AFG1L: variants seen among roughly 807,000 people sequenced by gnomAD.
The protein encoded by AFG1L is AFG1-like ATPase.
In AFG1L, 53 loss-of-function variants were observed where a neutral mutation model predicts 62.2. The ratio of observed to expected loss-of-function variants is 0.85; its 90% CI spans 0.68 to 1.07. AFG1L has a LOEUF of 1.07. Ranked by LOEUF, AFG1L falls within the 50% of genes least tolerant of loss-of-function variation. The probability of loss-of-function intolerance (pLI) is 0.00; values close to 1 mark genes in which losing one functional copy is unlikely to be tolerated. For synonymous variants in AFG1L, 228 were observed against 210.3 expected (o/e 1.08, Z -0.73); for missense variants, 555 against 590.5 (o/e 0.94, Z 0.62).
At chr6:108,394,113 C>T (rs1482964774) in intron 6 of AFG1L, among the ~76,000 whole-genome samples, 7 of 140,204 alleles carry the variant, frequency 5.0e-5, no homozygotes. Context: ...CTTTCCTTTC[C>T]CCCTCCCCTC....
At chr6:108,295,386 G>A (rs1170551519) in intron 1 of AFG1L, among the ~76,000 whole-genome samples, 168 bp downstream of exon 1, 1 of 152,226 alleles carries the variant, frequency 6.6e-6, no homozygotes, top group Non-Finnish European at 1.5e-5. Context: ...GTCTGTGAAT[G>A]AGCCCTGAGC....
chr6:108,391,303 AT>A, intron 6 of AFG1L, among the ~76,000 whole-genome samples: 1 of 151,936 alleles, frequency 6.6e-6, no homozygotes, highest in South Asian at 2.1e-4. Flanking sequence ...TTATTTTTTG[AT>A]TTTTTGATTA....
At chr6:108,335,742 A>G (rs974449820) in intron 2 of AFG1L, among the ~76,000 whole-genome samples, 5 of 152,246 alleles carry the variant, frequency 3.3e-5, no homozygotes, top group African/African-American at 1.2e-4. Context: ...AGTATCAGGT[A>G]GGAGCAAAGT....
At chr6:108,425,059 G>A (rs564630119) in intron 7 of AFG1L, among the ~76,000 whole-genome samples, 26 of 152,216 alleles carry the variant, frequency 1.7e-4, no homozygotes, top group Admixed American at 1.2e-3. Flanking sequence ...GTTACCTGAC[G>A]TAGAACTGAA....
intron 10 of AFG1L, among the ~76,000 whole-genome samples, chr6:108,493,769 G>A (rs1487805994): frequency 6.6e-6 from 1 of 152,150 alleles, no homozygotes; most frequent in African/African-American, 2.4e-5. Flanking sequence ...GAGTTGTATT[G>A]ATGCTTACAT....
intron 6 of AFG1L, among the ~76,000 whole-genome samples, chr6:108,386,304 A>G (rs1780759480): frequency 6.6e-6 from 1 of 152,070 alleles, no homozygotes; most frequent in South Asian, 2.1e-4. Context: ...TCTACCAAAA[A>G]TACAAAATTA....
chr6:108,420,453 T>C (rs1223018504), intron 7 of AFG1L, among the ~76,000 whole-genome samples: 2 of 149,138 alleles, frequency 1.3e-5, no homozygotes, highest in East Asian at 3.9e-4. Context: ...TATTAAAACA[T>C]ATATTCCATA....
At chr6:108,388,521 T>TA (rs1467688856) in intron 6 of AFG1L, among the ~76,000 whole-genome samples, 3 of 152,250 alleles carry the variant, frequency 2.0e-5, no homozygotes, top group Admixed American at 6.5e-5. Context: ...TTTAGTGCTA[T>TA]AAATTTCCCT....
intron 6 of AFG1L, among the ~76,000 whole-genome samples, chr6:108,397,759 A>C (rs567774211): frequency 4.6e-5 from 7 of 152,158 alleles, no homozygotes; most frequent in Non-Finnish European, 8.8e-5. Flanking sequence ...AATGACCTCC[A>C]GTTTCATCCA....
At chr6:108,438,871 T>C (rs1202989906) in intron 7 of AFG1L, among the ~76,000 whole-genome samples, 5 of 151,722 alleles carry the variant, frequency 3.3e-5, no homozygotes, top group African/African-American at 9.7e-5. Flanking sequence ...TGGGGAGATA[T>C]GGAAAAAAAT....
intron 5 of AFG1L, among the ~76,000 whole-genome samples, chr6:108,362,282 T>G (rs1779571641): frequency 6.6e-6 from 1 of 152,222 alleles, no homozygotes; most frequent in African/African-American, 2.4e-5. Context: ...TGGTTGATTT[T>G]TTTTCATGTT....
chr6:108,313,853 TAACTC>T lies in AFG1L; in HGVS notation c.140-9967_140-9963del, dbSNP rs748161374. ...CTGAGTCCAGCCCATAGATATCTCT[TAACTC>T]AACTATTTGAATAGTCTCCTAATTT... On this transcript the variant is annotated intron_variant, in intron 1 of 12. Coordinates refer to ENST00000368977, the MANE Select transcript of AFG1L (RefSeq NM_145315.5). Among the ~76,000 whole-genome samples the T allele has an allele frequency of 7.0e-4, 107 of 152,162 alleles. 1 individual carries two copies. Among genetic ancestry groups the T allele is most frequent in the Non-Finnish European group, 1.9e-4 (13 of 68,026 alleles).
At chr6:108,521,134 G>A (rs568911442) in intron 12 of AFG1L, 2 of 152,274 alleles carry the variant, frequency 1.3e-5, no homozygotes, top group East Asian at 3.9e-4. Context: ...TGTCTTCCAC[G>A]AAACTGGCCC....
At chr6:108,381,411 A>G (rs1780512547) in intron 6 of AFG1L, among the ~76,000 whole-genome samples, 2 of 151,708 alleles carry the variant, frequency 1.3e-5, no homozygotes, top group Admixed American at 1.3e-4. Flanking sequence ...CAAAGATTCT[A>G]GTGTCAGGAC....
Position 108,523,450 on chromosome 6 carries a change from A to G in AFG1L, c.*1025A>G, listed in dbSNP as rs752831702. The G allele has an allele frequency of 6.6e-6, 1 of 152,190 alleles. No homozygotes were observed. Among genetic ancestry groups the G allele is most frequent in the Non-Finnish European group, 1.5e-5 (1 of 68,028 alleles). The allele number at this position is 152,190 out of a possible 1,614,324, so 9.4% of individuals were successfully genotyped here. A position where few individuals can be genotyped will look rare whatever the true frequency, so the allele number is the denominator to read the frequency against. ...GCTTCTTTGAGTAAAACCTGGCTTT[A>G]CTAACTATTGTCACAAAGTGGATCT... is the stretch of plus-strand genomic sequence containing the variant. On this transcript the variant is annotated 3_prime_UTR_variant, in exon 13 of 13. Transcript: ENST00000368977.
intron 2 of AFG1L, among the ~76,000 whole-genome samples, chr6:108,326,414 A>G (rs577890574): frequency 3.1e-4 from 47 of 152,266 alleles, no homozygotes; most frequent in African/African-American, 1.0e-3. Flanking sequence ...TTCCCTGGTC[A>G]TCAGCTTTGA....
chr6:108,355,104 C>CTT (rs60493859), intron 3 of AFG1L, among the ~76,000 whole-genome samples: 4 of 141,608 alleles, frequency 2.8e-5, no homozygotes, highest in Non-Finnish European at 4.7e-5. Context: ...TCTTTCTTCT[C>CTT]TTTTTTTTTT....
rs118139988 is a variant in AFG1L at position 108,435,152 on chromosome 6, C to T, written c.808-12062C>T. Among the ~76,000 whole-genome samples the T allele has an allele frequency of 7.1e-3, 1,087 of 152,302 alleles. 5 individuals are homozygous for T. The highest frequency in any genetic ancestry group is 0.012 in the Non-Finnish European group (795 of 68,018). On this transcript the variant is annotated intron_variant, in intron 7 of 12. Coordinates refer to ENST00000368977, the MANE Select transcript of AFG1L (RefSeq NM_145315.5). ...GAGATTGGCAGCAGTGTATTAGTCA[C>T]ATGAACTCACAGCCTGAGGGATAGG...
chr6:108,383,738 C>G (rs1780643008), intron 6 of AFG1L, among the ~76,000 whole-genome samples: 1 of 152,106 alleles, frequency 6.6e-6, no homozygotes. Flanking sequence ...GAGACAGATA[C>G]AGTCGAGCAT....
Sources: allele counts gnomAD v4.1 joint callset (sites outside exome capture counted in the v4.1 genomes callset), GRCh38; gene constraint gnomAD v4.1.1; transcripts MANE v1.5; gene names NCBI Gene and HGNC (gene_info 2026-07-23, HGNC 2026-07-21).